The following TLL2 variants were observed in gnomAD, a reference collection of about 807,000 sequenced individuals.
TLL2 encodes tolloid-like protein 2.
Under a neutral mutation model 123.0 loss-of-function variants are expected in TLL2, and 106 were observed. The ratio of observed to expected loss-of-function variants is 0.86; its 90% CI spans 0.74 to 1.01. TLL2 has a LOEUF of 1.01. Ranked by LOEUF, TLL2 falls within the 50% of genes least tolerant of loss-of-function variation. The pLI, the probability that TLL2 is intolerant of heterozygous loss-of-function variation, is 0.00. For missense variants in TLL2, 1,332 were observed against 1,336.7 expected, an observed-to-expected ratio of 1.00 and a Z score of 0.06; for synonymous variants, 494 against 516.8, an observed-to-expected ratio of 0.96 and a Z score of 0.60.
At chr10:96,443,363 A>C (rs981377257) in intron 3 of TLL2, among the ~76,000 whole-genome samples, 3 of 152,168 alleles carry the variant, frequency 2.0e-5, no homozygotes, top group Non-Finnish European at 4.4e-5. Flanking sequence ...TGGGAAGCCA[A>C]TCACCATGCT....
intron 2 of TLL2, among the ~76,000 whole-genome samples, chr10:96,469,597 C>G (rs1406556337): frequency 6.6e-6 from 1 of 151,778 alleles, no homozygotes; most frequent in African/African-American, 2.4e-5. Flanking sequence ...GTGGGGGAAG[C>G]CTGCCATGAG....
intron 19 of TLL2, chr10:96,373,322 G>A (rs180772425): frequency 7.1e-4 from 247 of 350,060 alleles, no homozygotes; most frequent in African/African-American, 4.9e-3. Flanking sequence ...TGTATTTTTA[G>A]TAGAGACGGG....
In TLL2 at chr10:96,373,610, G is replaced by A; in HGVS notation, c.2648C>T (p.Ala883Val). The change falls in exon 19 of 21, where the codon GCA becomes GTA. Residue 883 changes from alanine to valine, a missense_variant. Physicochemically the swap from Ala to Val is moderately conservative, Grantham distance 64. Coordinates refer to ENST00000357947, the MANE Select transcript of TLL2 (RefSeq NM_012465.4). ...ACCCCAGGTACCTGTGCTGTGCACT[G>A]CCTGGAAGCCTTTCCTCTGCACTGA... ...DASVQRKGFQ[A>V]VHSTECGGRL... 1 of 1,614,184 alleles carries A rather than the reference G, an allele frequency of 6.2e-7. No homozygotes were observed. The highest frequency in any genetic ancestry group is 8.5e-7 in the Non-Finnish European group (1 of 1,180,022).
intron 2 of TLL2, among the ~76,000 whole-genome samples, chr10:96,479,586 G>A (rs991786780): frequency 1.3e-5 from 2 of 152,236 alleles, no homozygotes. Flanking sequence ...CTGGTGGGCT[G>A]CAGAGAGCAG....
chr10:96,369,114 C>A (rs370316431), intron 20 of TLL2, among the ~76,000 whole-genome samples: 3 of 152,170 alleles, frequency 2.0e-5, no homozygotes, highest in Non-Finnish European at 4.4e-5. Flanking sequence ...CTTGAGCGAC[C>A]GGGCCTCCAG....
At chr10:96,414,044 T>C (rs1846531863) in intron 7 of TLL2, among the ~76,000 whole-genome samples, 1 of 152,144 alleles carries the variant, frequency 6.6e-6, no homozygotes, top group Admixed American at 6.5e-5. Context: ...CCTATTTGAC[T>C]GAAATCTAAA....
At position 96,446,087 on chromosome 10, in the gene TLL2, T is replaced by G. The variant is rs1846895139; in HGVS notation, c.364+4A>C. ...CCCAAAGACCTGGTGAGGGCTCACA[T>G]TACCCTTTCCAGCTTCCTTGGTGCC... On this transcript the variant is annotated splice_donor_region_variant and intron_variant, in intron 3 of 20. Coordinates refer to ENST00000357947, the MANE Select transcript of TLL2 (RefSeq NM_012465.4). 6.2e-7 allele frequency: 1 copy of G among 1,614,170 alleles called. No individual in the cohort carries two copies. Among genetic ancestry groups the G allele is most frequent in the African/African-American group, 1.3e-5 (1 of 75,056 alleles).
intron 3 of TLL2, among the ~76,000 whole-genome samples, chr10:96,439,425 C>G (rs1216084892): frequency 1.3e-5 from 2 of 151,964 alleles, no homozygotes; most frequent in African/African-American, 4.8e-5. Context: ...CTAAAACTTG[C>G]CTGGGTCTCT....
intron 10 of TLL2, among the ~76,000 whole-genome samples, chr10:96,401,522 A>G (rs554682265): frequency 1.4e-3 from 206 of 150,632 alleles, no homozygotes; most frequent in South Asian, 2.9e-3. Flanking sequence ...ACACACACAC[A>G]CACGCACACA....
At chr10:96,492,559 G>A (rs1847425275) in intron 1 of TLL2, among the ~76,000 whole-genome samples, 2 of 152,214 alleles carry the variant, frequency 1.3e-5, no homozygotes, top group South Asian at 2.1e-4. Flanking sequence ...AGGAGGCAGA[G>A]GTTGCAGTGA....
At chr10:96,491,347 A>G (rs11188793) in intron 1 of TLL2, among the ~76,000 whole-genome samples, 14,793 of 149,766 alleles carry the variant, frequency 0.099, 782 homozygotes, top group Non-Finnish European at 0.12. Context: ...GCACCATTGC[A>G]CTCTAGCCTG....
chr10:96,444,017 C>A (rs1010202727), intron 3 of TLL2, among the ~76,000 whole-genome samples: 2 of 152,166 alleles, frequency 1.3e-5, no homozygotes, highest in Non-Finnish European at 2.9e-5. Context: ...GGGCACAGGA[C>A]AGGAAGAGGC....
chr10:96,458,199 C>G (rs952840448), intron 2 of TLL2, among the ~76,000 whole-genome samples: 1 of 152,060 alleles, frequency 6.6e-6, no homozygotes, highest in Admixed American at 6.5e-5. Flanking sequence ...GGTGATGAGA[C>G]AACCACTACC....
chr10:96,495,596 G>GT (rs1219044996), intron 1 of TLL2, among the ~76,000 whole-genome samples: 3 of 152,012 alleles, frequency 2.0e-5, no homozygotes, highest in African/African-American at 4.8e-5. Context: ...AACCACAATA[G>GT]TTTTTTTGTT....
At chr10:96,501,395 C>T (rs539317038) in intron 1 of TLL2, among the ~76,000 whole-genome samples, 1 of 152,172 alleles carries the variant, frequency 6.6e-6, no homozygotes, top group Non-Finnish European at 1.5e-5. Flanking sequence ...ATTCTCAAGG[C>T]CATAGCCTGC....
At position 96,428,744 on chromosome 10, in the gene TLL2, G is replaced by T. The variant is rs752239989; in HGVS notation, c.525C>A (p.Ser175Arg). 1.9e-6 allele frequency: 3 copies of T among 1,609,622 alleles called. No homozygotes were observed. The highest frequency in any genetic ancestry group is 1.1e-5 in the South Asian group (1 of 90,608). ...TGGCCTGCTTAAAAATGGCCCTCTG[G>T]CTCCCTGAAACAACAGGGCAAGCAC... ...PYVIGGNFTG[S>R]QRAIFKQAMR... Residue 175 changes from serine to arginine, a missense_variant, in exon 5 of 21, where the codon AGC (serine) becomes AGA (arginine). Ser to Arg is a moderately radical substitution (Grantham distance 110). Transcript: ENST00000357947.
chr10:96,378,869 G>A, intron 17 of TLL2, 98 bp downstream of exon 17: 2 of 1,497,702 alleles, frequency 1.3e-6, no homozygotes, highest in Non-Finnish European at 1.8e-6. Context: ...GGTGGAAGAG[G>A]TCCTCGCCGC....
intron 2 of TLL2, among the ~76,000 whole-genome samples, chr10:96,466,771 C>T (rs1847136086): frequency 6.6e-6 from 1 of 152,214 alleles, no homozygotes. Flanking sequence ...GGAAGGAGAA[C>T]CCAGACGTTG....
chr10:96,454,480 T>A (rs1368913783), intron 2 of TLL2, among the ~76,000 whole-genome samples: 1 of 152,214 alleles, frequency 6.6e-6, no homozygotes, highest in Non-Finnish European at 1.5e-5. Flanking sequence ...ATTCTCCCTG[T>A]TCTCTGGTTG....
Sources: allele counts gnomAD v4.1 joint callset (sites outside exome capture counted in the v4.1 genomes callset), GRCh38; gene constraint gnomAD v4.1.1; transcripts MANE v1.5; gene names NCBI Gene and HGNC (gene_info 2026-07-23, HGNC 2026-07-21).